Variants in COL8A1 observed in about 807,000 individuals in gnomAD.
The protein encoded by COL8A1 is collagen alpha-1(VIII) chain.
A neutral mutation model predicts 42.7 loss-of-function variants in COL8A1; 21 were observed. The ratio of observed to expected loss-of-function variants is 0.49; its 90% CI spans 0.35 to 0.71. The LOEUF is 0.71. COL8A1 is among the 30% of genes least tolerant of loss of function. The pLI is 0.01. For synonymous variants in COL8A1, 367 were observed against 369.1 expected (o/e 0.99, Z 0.06); for missense variants, 788 against 962.4 (o/e 0.82, Z 2.40).
chr3:99,726,708 G>A (rs1940339901), intron 1 of COL8A1, among the ~76,000 whole-genome samples: 1 of 151,896 alleles, frequency 6.6e-6, no homozygotes, highest in Non-Finnish European at 1.5e-5. Context: ...GTTTGTCAAA[G>A]ATCAGATAGT....
intron 3 of COL8A1, among the ~76,000 whole-genome samples, chr3:99,792,813 T>G (rs563720989): frequency 4.6e-5 from 7 of 152,228 alleles, no homozygotes; most frequent in Non-Finnish European, 1.0e-4. Context: ...GTTAAATTAA[T>G]GAACTAATAT....
intron 1 of COL8A1, among the ~76,000 whole-genome samples, chr3:99,714,608 A>G (rs1227032323): frequency 6.6e-6 from 1 of 152,132 alleles, no homozygotes; most frequent in African/African-American, 2.4e-5. Context: ...CAATAGTCCC[A>G]GGGACCTGTT....
intron 1 of COL8A1, among the ~76,000 whole-genome samples, chr3:99,739,256 G>T (rs72932377): frequency 4.5e-4 from 68 of 152,286 alleles, no homozygotes; most frequent in African/African-American, 1.6e-3. Flanking sequence ...TCCTCTCCCA[G>T]CTTCTTTCAT....
intron 1 of COL8A1, among the ~76,000 whole-genome samples, chr3:99,712,942 G>A (rs371300967): frequency 7.9e-5 from 12 of 152,038 alleles, no homozygotes; most frequent in African/African-American, 1.7e-4. Context: ...CCAGAAAGTC[G>A]TCTCAAGTCT....
intron 1 of COL8A1, among the ~76,000 whole-genome samples, chr3:99,673,768 C>T (rs1938613498): frequency 6.6e-6 from 1 of 151,998 alleles, no homozygotes; most frequent in African/African-American, 2.4e-5. Flanking sequence ...GTTCTGGAGT[C>T]AGACTGCCTG....
chr3:99,754,635 C>T (rs1941218751), intron 2 of COL8A1, among the ~76,000 whole-genome samples: 1 of 152,102 alleles, frequency 6.6e-6, no homozygotes, highest in Non-Finnish European at 1.5e-5. Flanking sequence ...AGCTCTGCAT[C>T]CCTGCCTGTT....
chr3:99,713,164 G>T (rs1001643082), intron 1 of COL8A1, among the ~76,000 whole-genome samples: 3 of 151,932 alleles, frequency 2.0e-5, no homozygotes, highest in Middle Eastern at 3.2e-3. Context: ...TCTTCTTATT[G>T]TCCCCAGTTT....
intron 1 of COL8A1, among the ~76,000 whole-genome samples, chr3:99,716,343 A>T (rs1176729927): frequency 6.6e-6 from 1 of 152,058 alleles, no homozygotes; most frequent in African/African-American, 2.4e-5. Context: ...CACCCATCAG[A>T]CCAGCATCTT....
chr3:99,672,575 A>G (rs1430212795), intron 1 of COL8A1, among the ~76,000 whole-genome samples: 3 of 151,614 alleles, frequency 2.0e-5, no homozygotes, highest in Non-Finnish European at 4.4e-5. Flanking sequence ...GCTTTTTTTT[A>G]GTGTGCCCTT....
chr3:99,797,821 T>G lies in COL8A1; in HGVS notation c.*1685T>G, dbSNP rs1942131450. The stretch of plus-strand genomic sequence containing the variant: ...AATGTCATCCTGTACTCGGCACAAA[T>G]CAAAGGCCAATACAAGTCTGAAAAG... On this transcript the variant is annotated 3_prime_UTR_variant, in exon 4 of 4. Transcript: ENST00000652472. 6.6e-6 allele frequency: 1 copy of G among 152,150 alleles called. No individual in the cohort carries two copies. Among genetic ancestry groups the G allele is most frequent in the Admixed American group, 6.5e-5 (1 of 15,278 alleles). 9.4% of individuals were successfully genotyped at this position (152,150 alleles called of 1,614,324 possible).
intron 1 of COL8A1, chr3:99,703,559 A>C (rs986290200): frequency 6.6e-6 from 1 of 152,214 alleles, no homozygotes; most frequent in African/African-American, 2.4e-5. Flanking sequence ...ACCATGTTGC[A>C]CTTTGTAGAA....
At chr3:99,755,728 G>C (rs1271535346) in intron 2 of COL8A1, among the ~76,000 whole-genome samples, 5 of 152,312 alleles carry the variant, frequency 3.3e-5, no homozygotes, top group Admixed American at 2.0e-4. Context: ...TCAGGCAAAT[G>C]GGAAGTCCCA....
intron 2 of COL8A1, among the ~76,000 whole-genome samples, chr3:99,768,200 G>A (rs1025948625): frequency 2.6e-5 from 4 of 152,182 alleles, no homozygotes; most frequent in South Asian, 2.1e-4. Context: ...AAGGAATACC[G>A]AAAGACATTT....
chr3:99,772,706 G>A (rs1231278917), intron 2 of COL8A1, among the ~76,000 whole-genome samples: 1 of 152,144 alleles, frequency 6.6e-6, no homozygotes, highest in Non-Finnish European at 1.5e-5. Context: ...AGGTTTATGT[G>A]GAGGATCTCA....
In COL8A1 at chr3:99,790,785, C is replaced by A. The variant is rs928998723; in HGVS notation, c.103C>A (p.Pro35Thr). Reference protein sequence around the residue: ...IQAGAYYGIKPLPPQIPPQMP... With the variant: ...IQAGAYYGIKTLPPQIPPQMP... ...GGCTGGTGCCTACTATGGGATCAAG[C>A]CGCTGCCACCTCAAATTCCTCCTCA... is the stretch of plus-strand genomic sequence containing the variant. The change falls in exon 3 of 4, where the codon CCG (proline) becomes ACG (threonine). Residue 35 changes from proline to threonine, a missense_variant. Coordinates refer to ENST00000652472, the MANE Select transcript of COL8A1 (RefSeq NM_020351.4). 2 of 1,614,198 alleles carry A rather than the reference C, an allele frequency of 1.2e-6. No homozygotes were observed. The highest frequency in any genetic ancestry group is 1.7e-6 in the Non-Finnish European group (2 of 1,180,032).
At chr3:99,689,776 T>A (rs1939164587) in intron 1 of COL8A1, among the ~76,000 whole-genome samples, 1 of 152,098 alleles carries the variant, frequency 6.6e-6, no homozygotes, top group South Asian at 2.1e-4. Context: ...GCAACCAACA[T>A]CAGCAAAGCC....
At chr3:99,708,241 G>A (rs1939738100) in intron 1 of COL8A1, among the ~76,000 whole-genome samples, 1 of 152,146 alleles carries the variant, frequency 6.6e-6, no homozygotes, top group Admixed American at 6.5e-5. Context: ...CTTATGTGGT[G>A]AGCAGGCATC....
At chr3:99,722,263 A>G (rs1940177335) in intron 1 of COL8A1, among the ~76,000 whole-genome samples, 2 of 152,150 alleles carry the variant, frequency 1.3e-5, no homozygotes. Flanking sequence ...AGAGAGGTTG[A>G]GAATTACAGA....
intron 1 of COL8A1, among the ~76,000 whole-genome samples, chr3:99,722,615 G>T (rs763038135): frequency 5.3e-5 from 8 of 152,052 alleles, no homozygotes; most frequent in Non-Finnish European, 7.4e-5. Context: ...GGAATACTTA[G>T]AACATATTCA....
Sources: allele counts gnomAD v4.1 joint callset (sites outside exome capture counted in the v4.1 genomes callset), GRCh38; gene constraint gnomAD v4.1.1; transcripts MANE v1.5; gene names NCBI Gene and HGNC (gene_info 2026-07-23, HGNC 2026-07-21).